The following ZC3H3 variants were observed in gnomAD, a reference collection of about 807,000 sequenced individuals.
The protein encoded by ZC3H3 is zinc finger CCCH-type containing 3, also known as zinc finger CCCH domain-containing protein 3.
A neutral mutation model predicts 77.3 loss-of-function variants in ZC3H3; 36 were observed. The observed-to-expected ratio is 0.47, with a 90% CI of 0.36 to 0.61. ZC3H3 has a LOEUF of 0.61. Ranked by LOEUF, ZC3H3 falls within the 20% of genes least tolerant of loss-of-function variation. The pLI is 0.00. For synonymous variants in ZC3H3, 626 were observed against 555.2 expected (o/e 1.13, Z -1.79); for missense variants, 1,331 against 1,312.2 (o/e 1.01, Z -0.22).
intron 9 of ZC3H3, among the ~76,000 whole-genome samples, chr8:143,453,312 C>T (rs986374982): frequency 4.1e-4 from 63 of 152,078 alleles, no homozygotes; most frequent in African/African-American, 1.3e-3. Context: ...TAATCTCAAA[C>T]TCTTGGGCTC....
In ZC3H3 at chr8:143,500,349, C is replaced by T. The variant is rs543512302; in HGVS notation, c.1715+7397G>A. ...CCAGTGCCGGGCACTCAACAACTGA[C>T]GCTACACACTGACACCCCTTTGGTG... On this transcript the variant is annotated intron_variant, in intron 4 of 11. Transcript: ENST00000262577. Among the ~76,000 whole-genome samples the T allele has an allele frequency of 1.1e-4, 17 of 152,336 alleles. No individual in the cohort carries two copies. The South Asian group carries it at 1.9e-3, about 17-fold the overall frequency.
At chr8:143,506,385 T>A (rs1292792659) in intron 4 of ZC3H3, among the ~76,000 whole-genome samples, 1 of 152,184 alleles carries the variant, frequency 6.6e-6, no homozygotes, top group Non-Finnish European at 1.5e-5. Context: ...GTAAATTAAT[T>A]TAAGTTAATT....
At chr8:143,474,609 C>T (rs1483246225) in intron 5 of ZC3H3, among the ~76,000 whole-genome samples, 3 of 152,220 alleles carry the variant, frequency 2.0e-5, no homozygotes, top group Non-Finnish European at 2.9e-5. Context: ...ACCCTGCCGT[C>T]GGAGTCTACC....
At chr8:143,478,149 C>T (rs566445572) in intron 4 of ZC3H3, among the ~76,000 whole-genome samples, 2 of 152,308 alleles carry the variant, frequency 1.3e-5, no homozygotes, top group South Asian at 4.1e-4. Context: ...AGCCAGGACT[C>T]CCTGAGGAGA....
chr8:143,466,625 C>T (rs1246476944), intron 8 of ZC3H3, among the ~76,000 whole-genome samples: 1 of 152,130 alleles, frequency 6.6e-6, no homozygotes, highest in Non-Finnish European at 1.5e-5. Context: ...GGAGACATCT[C>T]CCTGCCCCTC....
intron 4 of ZC3H3, among the ~76,000 whole-genome samples, chr8:143,502,416 C>T (rs1045239101): frequency 2.0e-5 from 3 of 152,224 alleles, no homozygotes; most frequent in Non-Finnish European, 2.9e-5. Flanking sequence ...TTTAATGAGA[C>T]GCCACTTTGG....
At chr8:143,470,239 C>T (rs1820526493) in intron 5 of ZC3H3, among the ~76,000 whole-genome samples, 1 of 152,242 alleles carries the variant, frequency 6.6e-6, no homozygotes, top group Non-Finnish European at 1.5e-5. Flanking sequence ...CCACTCAGCC[C>T]GTCTCAAGTT....
intron 4 of ZC3H3, among the ~76,000 whole-genome samples, chr8:143,506,775 G>A (rs537607116): frequency 4.6e-5 from 7 of 152,300 alleles, no homozygotes; most frequent in East Asian, 3.9e-4. Flanking sequence ...GACCTGCCAC[G>A]AGGCTCCAGA....
intron 9 of ZC3H3, among the ~76,000 whole-genome samples, chr8:143,444,502 A>G (rs1053923724): frequency 8.5e-5 from 13 of 152,242 alleles, no homozygotes; most frequent in African/African-American, 3.1e-4. Flanking sequence ...CAATGTGTAA[A>G]AACACTAATA....
At chr8:143,488,790 C>T (rs1367817599) in intron 4 of ZC3H3, among the ~76,000 whole-genome samples, 1 of 152,278 alleles carries the variant, frequency 6.6e-6, no homozygotes, top group East Asian at 1.9e-4. Context: ...AAATTCAAAG[C>T]GAGGAAAATG....
At chr8:143,442,419 G>A (rs1401271573) in intron 9 of ZC3H3, among the ~76,000 whole-genome samples, 1 of 95,344 alleles carries the variant, frequency 1.0e-5, no homozygotes, top group African/African-American at 4.0e-5. Flanking sequence ...TGGGGGGGCG[G>A]GGGCAAGGCC....
intron 3 of ZC3H3, among the ~76,000 whole-genome samples, chr8:143,527,646 A>G (rs1008640842): frequency 1.3e-5 from 2 of 152,210 alleles, no homozygotes; most frequent in Non-Finnish European, 2.9e-5. Flanking sequence ...TTATGAAAGC[A>G]GGACTCCAGA....
intron 8 of ZC3H3, among the ~76,000 whole-genome samples, chr8:143,466,649 G>A (rs1820416722): frequency 6.6e-6 from 1 of 152,112 alleles, no homozygotes; most frequent in Non-Finnish European, 1.5e-5. Context: ...GGCCACCACG[G>A]GCTCTTCCTG....
intron 1 of ZC3H3, among the ~76,000 whole-genome samples, chr8:143,540,849 C>T (rs1177449852): frequency 6.6e-6 from 1 of 152,038 alleles, no homozygotes; most frequent in Non-Finnish European, 1.5e-5. Context: ...CCACGTACTC[C>T]GGAGGCTGAG....
chr8:143,477,798 C>A (rs890784195), intron 4 of ZC3H3, among the ~76,000 whole-genome samples: 31 of 152,308 alleles, frequency 2.0e-4, no homozygotes, highest in African/African-American at 7.2e-4. Flanking sequence ...GGGGTCTCAC[C>A]ATTGGGAGGG....
chr8:143,498,229 A>G (rs1821410796), intron 4 of ZC3H3, among the ~76,000 whole-genome samples: 1 of 152,168 alleles, frequency 6.6e-6, no homozygotes, highest in African/African-American at 2.4e-5. Context: ...AAAACCCCAT[A>G]GACTCAAGGC....
rs78395126 is a variant in ZC3H3, at chr8:143,471,230, C to T, written c.1904-2571G>A. On this transcript the variant is annotated intron_variant, in intron 5 of 11. Transcript: ENST00000262577. The stretch of plus-strand genomic sequence containing the variant: ...CAAGCCCTGGTCTGCTCACAGCGCG[C>T]CCACCAGGCCCTCCAGGGCACGTCC... Among the ~76,000 whole-genome samples the T allele has an allele frequency of 5.9e-3, 906 of 152,366 alleles. 4 individuals carry two copies. Among genetic ancestry groups the T allele is most frequent in the African/African-American group, 0.02 (851 of 41,580 alleles).
intron 3 of ZC3H3, among the ~76,000 whole-genome samples, chr8:143,524,405 G>C (rs1195907721): frequency 6.6e-6 from 1 of 152,242 alleles, no homozygotes; most frequent in Non-Finnish European, 1.5e-5. Flanking sequence ...TGGAAGCGCA[G>C]GACAGCCTCA....
At chr8:143,536,505 AC>A in intron 2 of ZC3H3, 52 bp from the exon 3 acceptor site, 1 of 1,440,902 alleles carries the variant, frequency 6.9e-7, no homozygotes, top group African/African-American at 1.4e-5. Context: ...GGTTCTGCCC[AC>A]CCACCCTTCC....
Sources: allele counts gnomAD v4.1 joint callset (sites outside exome capture counted in the v4.1 genomes callset), GRCh38; gene constraint gnomAD v4.1.1; transcripts MANE v1.5; gene names NCBI Gene and HGNC (gene_info 2026-07-23, HGNC 2026-07-21).